The following SCN1A variants were observed in gnomAD, a reference collection of about 807,000 sequenced individuals.
SCN1A encodes sodium channel protein type 1 subunit alpha.
A neutral mutation model predicts 193.7 loss-of-function variants in SCN1A; 13 were observed. The ratio of observed to expected loss-of-function variants is 0.07; its 90% CI spans 0.04 to 0.11. SCN1A has a LOEUF of 0.11. SCN1A is among the 10% of genes least tolerant of loss of function. The pLI is 1.00. For synonymous variants in SCN1A, 781 were observed against 843.6 expected (o/e 0.93, Z 1.29); for missense variants, 1,432 against 2,451.1 (o/e 0.58, Z 8.78).
intron 25 of SCN1A, 110 bp from the exon 26 acceptor site, chr2:165,998,285 ATT>A (rs35180275): frequency 2.5e-4 from 175 of 705,498 alleles, no homozygotes; most frequent in Admixed American, 4.3e-4. Context: ...ATATGTCAGC[ATT>A]TTTTTTTTTT....
At chr2:166,112,382 G>T (rs143836087) in intron 2 of SCN1A, among the ~76,000 whole-genome samples, 43 of 152,216 alleles carry the variant, frequency 2.8e-4, no homozygotes, top group Non-Finnish European at 5.1e-4. Context: ...TTAAATTAAG[G>T]TATGCACTTT....
intron 2 of SCN1A, among the ~76,000 whole-genome samples, chr2:166,115,004 T>A (rs1416595943): frequency 6.6e-6 from 1 of 152,200 alleles, no homozygotes; most frequent in Admixed American, 6.5e-5. Flanking sequence ...TATCAATGCA[T>A]TCCATAACTA....
At chr2:166,126,836 T>G (rs1261531148) in intron 2 of SCN1A, 88 bp downstream of exon 2, 1 of 152,232 alleles carries the variant, frequency 6.6e-6, no homozygotes, top group Non-Finnish European at 1.5e-5. Flanking sequence ...CCAGACCGAT[T>G]TGTTAACAAT....
At chr2:166,144,074 C>G (rs1692206100) in intron 1 of SCN1A, among the ~76,000 whole-genome samples, 1 of 152,186 alleles carries the variant, frequency 6.6e-6, no homozygotes, top group Non-Finnish European at 1.5e-5. Flanking sequence ...GAGTTGCAGA[C>G]AGTTCTTTTT....
intron 19 of SCN1A, among the ~76,000 whole-genome samples, chr2:166,032,905 G>A (rs1695823076): frequency 6.6e-6 from 1 of 152,070 alleles, no homozygotes. Flanking sequence ...AAAATAATTG[G>A]AATTAAAATG....
chr2:166,024,500 C>T (rs1157051024), intron 19 of SCN1A, among the ~76,000 whole-genome samples: 1 of 152,066 alleles, frequency 6.6e-6, no homozygotes, highest in African/African-American at 2.4e-5. Context: ...TTTTGTTTTC[C>T]TTTTCATGTT....
At position 166,046,758 on chromosome 2, in the gene SCN1A, G is replaced by A. The variant is rs766959367; in HGVS notation, c.1377+12C>T. The A allele has an allele frequency of 1.2e-6, 2 of 1,610,778 alleles. No homozygotes were observed. The highest frequency in any genetic ancestry group is 1.7e-6 in the Non-Finnish European group (2 of 1,177,140). ...GATAAAAGGTCAGTGCCATGAGACA[G>A]GGCAGCTTTACCTGAGCTGCCTCCT... On this transcript the variant is annotated intron_variant, in intron 12 of 28. Transcript: ENST00000674923.
intron 2 of SCN1A, among the ~76,000 whole-genome samples, chr2:166,083,713 G>A (rs8191986): frequency 0.025 from 3,756 of 152,088 alleles, 227 homozygotes; most frequent in Admixed American, 0.14. Flanking sequence ...TAAGACCATG[G>A]ATAGTTCACA....
chr2:166,111,606 T>C (rs1412242446), intron 2 of SCN1A, among the ~76,000 whole-genome samples: 2 of 152,278 alleles, frequency 1.3e-5, no homozygotes, highest in East Asian at 3.9e-4. Flanking sequence ...AGTCTTATTA[T>C]TTAAGACATA....
intron 19 of SCN1A, among the ~76,000 whole-genome samples, chr2:166,019,278 A>G (rs1347980694): frequency 6.6e-6 from 1 of 152,156 alleles, no homozygotes; most frequent in Admixed American, 6.5e-5. Flanking sequence ...TGCACTTGGA[A>G]AGTTCGCAGG....
At chr2:166,083,450 T>C (rs889683112) in intron 2 of SCN1A, among the ~76,000 whole-genome samples, 3 of 152,010 alleles carry the variant, frequency 2.0e-5, no homozygotes, top group Non-Finnish European at 2.9e-5. Context: ...AACTAAGAAG[T>C]AAAAAATTCA....
rs1420637973 is a variant in SCN1A at position 166,006,598 on chromosome 2, CTT to C, written c.4002+3119_4002+3120del. ...AAATAAGTGGATTTTTTTATTCTAA[CTT>C]TTTGTTTACAACACAATTCACATGT... On this transcript the variant is annotated intron_variant, in intron 23 of 28. Transcript: ENST00000674923. Among the ~76,000 whole-genome samples the C allele has an allele frequency of 3.3e-5, 5 of 151,192 alleles. No individual in the cohort carries two copies. The East Asian group carries it at 9.7e-4, about 29-fold the overall frequency.
chr2:165,996,024 G>A lies in SCN1A; in HGVS notation c.4570C>T (p.Pro1524Ser), dbSNP rs143088184. ...LGSKKPQKPI[P>S]RPGNKFQGMV... is the part of the protein sequence containing the mutation. ...TTGATACTTCTTACTCCTGGTCGAG[G>A]TATAGGCTTTTGCGGTTTTTTCGAT... Residue 1524 changes from proline (P) to serine (S), a missense_variant, in exon 27 of 29, where the codon CCT becomes TCT. Physicochemically the swap from Pro to Ser is moderately conservative, Grantham distance 74. Transcript: ENST00000674923. The A allele has an allele frequency of 6.2e-7, 1 of 1,600,732 alleles. No homozygotes were observed. The highest frequency in any genetic ancestry group is 8.6e-7 in the Non-Finnish European group (1 of 1,168,918).
intron 8 of SCN1A, among the ~76,000 whole-genome samples, chr2:166,052,231 A>T (rs886526828): frequency 6.6e-6 from 1 of 151,988 alleles, no homozygotes; most frequent in Non-Finnish European, 1.5e-5. Flanking sequence ...TGGAAGGTTC[A>T]TGTTCTTCAT....
intron 18 of SCN1A, among the ~76,000 whole-genome samples, chr2:166,036,761 C>T (rs957681730): frequency 2.6e-5 from 4 of 152,096 alleles, no homozygotes; most frequent in Admixed American, 1.3e-4. Flanking sequence ...TTCTCCCATT[C>T]GTAAAGTGAA....
chr2:166,056,868 A>G (rs1022467005), intron 5 of SCN1A, among the ~76,000 whole-genome samples: 14 of 151,984 alleles, frequency 9.2e-5, no homozygotes, highest in Admixed American at 3.3e-4. Flanking sequence ...TATTGACTTG[A>G]GCTCATTCAG....
chr2:165,998,283 GC>G, intron 25 of SCN1A, 108 bp from the exon 26 acceptor site: 1 of 924,768 alleles, frequency 1.1e-6, no homozygotes. Flanking sequence ...TAATATGTCA[GC>G]ATTTTTTTTT....
At chr2:166,080,868 G>A (rs1685446428) in intron 2 of SCN1A, among the ~76,000 whole-genome samples, 2 of 151,794 alleles carry the variant, frequency 1.3e-5, no homozygotes, top group South Asian at 2.1e-4. Flanking sequence ...AAGAAAAAGA[G>A]GGAGGTAAAT....
chr2:166,121,119 A>G (rs757634533), intron 2 of SCN1A, among the ~76,000 whole-genome samples: 3 of 97,350 alleles, frequency 3.1e-5, no homozygotes, highest in Non-Finnish European at 4.2e-5. Flanking sequence ...GAAAAAAAAG[A>G]AAAAAAAAAA....
Sources: allele counts gnomAD v4.1 joint callset (sites outside exome capture counted in the v4.1 genomes callset), GRCh38; gene constraint gnomAD v4.1.1; transcripts MANE v1.5; gene names NCBI Gene and HGNC (gene_info 2026-07-23, HGNC 2026-07-21).